The following CCDC6 variants were observed in gnomAD, a reference collection of about 807,000 sequenced individuals.
CCDC6 encodes coiled-coil domain containing 6, also known as coiled-coil domain-containing protein 6.
Under a neutral mutation model 56.6 loss-of-function variants are expected in CCDC6, and 20 were observed. The observed-to-expected ratio is 0.35, with a 90% CI of 0.25 to 0.51. CCDC6 has a LOEUF of 0.51. Among genes scored for constraint, CCDC6 ranks in the 20% least tolerant of loss-of-function variants. The pLI, the probability that CCDC6 is intolerant of heterozygous loss-of-function variation, is 0.95. For missense variants in CCDC6, 367 were observed against 601.1 expected, an observed-to-expected ratio of 0.61 and a Z score of 4.07; for synonymous variants, 241 against 234.4, an observed-to-expected ratio of 1.03 and a Z score of -0.26.
In CCDC6 at chr10:59,826,810, C is replaced by G. The variant is rs549932008; in HGVS notation, c.582+5715G>C. Reference sequence around the variant, plus strand: ...ATTTGAGGCTTAAATGATATACACACTTATTTTCCTGGAAAATGGGTAGGG... The same window carrying G: ...ATTTGAGGCTTAAATGATATACACAGTTATTTTCCTGGAAAATGGGTAGGG... On this transcript the variant is annotated intron_variant, in intron 3 of 8. Transcript: ENST00000263102. Among the ~76,000 whole-genome samples the G allele has an allele frequency of 2.0e-5, 3 of 152,298 alleles. No individual in the cohort carries two copies. The East Asian group carries it at 5.8e-4, about 29-fold the overall frequency.
intron 3 of CCDC6, among the ~76,000 whole-genome samples, chr10:59,828,569 G>A (rs1232974939): frequency 2.0e-5 from 3 of 152,072 alleles, no homozygotes; most frequent in African/African-American, 7.2e-5. Context: ...GTCTTTCCAG[G>A]GTCTAAAAGA....
At chr10:59,818,322 C>T (rs867367035) in intron 3 of CCDC6, among the ~76,000 whole-genome samples, 2 of 152,156 alleles carry the variant, frequency 1.3e-5, no homozygotes, top group African/African-American at 4.8e-5. Flanking sequence ...CAATCTACTG[C>T]CCACCTCAGC....
chr10:59,880,812 C>A (rs2071327591), intron 1 of CCDC6, among the ~76,000 whole-genome samples: 1 of 152,176 alleles, frequency 6.6e-6, no homozygotes, highest in Admixed American at 6.5e-5. Context: ...CTTATACTCA[C>A]AGGCTCCTTT....
chr10:59,789,795 G>A lies in CCDC6; in HGVS notation c.*3122C>T. ...GGGCATTCTCTAAAAGCAAGGCTTTGTGCAGGAAAAGTTCATGTCTACCTA... is the reference window on the plus strand; with the variant it reads ...GGGCATTCTCTAAAAGCAAGGCTTTATGCAGGAAAAGTTCATGTCTACCTA... On this transcript the variant is annotated 3_prime_UTR_variant, in exon 9 of 9. Coordinates refer to ENST00000263102, the MANE Select transcript of CCDC6 (RefSeq NM_005436.5). 4.5e-6 allele frequency: 1 copy of A among 220,430 alleles called. No individual in the cohort carries two copies. The highest frequency in any genetic ancestry group is 6.8e-5 in the East Asian group (1 of 14,804). The allele number at this position is 220,430 out of a possible 1,614,324, so 13.7% of individuals were successfully genotyped here. A position where few individuals can be genotyped will look rare whatever the true frequency, so the allele number is the denominator to read the frequency against.
Position 59,836,510 on chromosome 10 carries a change from T to C in CCDC6, c.454-3857A>G, listed in dbSNP as rs553800661. 5.9e-5 allele frequency among the ~76,000 whole-genome samples: 9 copies of C among 152,282 alleles called. No individual in the cohort carries two copies. In the South Asian group the frequency reaches 1.7e-3, roughly 28 times the overall value. ...ACATGAACAATTTTAAATCTTCCAA[T>C]AAAGTCAAAGATCCTGAACTAGAAC... On this transcript the variant is annotated intron_variant, in intron 2 of 8. Transcript: ENST00000263102.
chr10:59,806,635 A>G (rs1252434384), intron 6 of CCDC6: 2 of 332,530 alleles, frequency 6.0e-6, no homozygotes, highest in African/African-American at 4.1e-5. Context: ...AAACTAATTC[A>G]ACAACAAATG....
intron 1 of CCDC6, among the ~76,000 whole-genome samples, chr10:59,866,592 C>A (rs147053193): frequency 3.3e-5 from 5 of 152,290 alleles, no homozygotes; most frequent in Non-Finnish European, 7.3e-5. Context: ...GTATCACATC[C>A]ATACACTGAC....
chr10:59,904,092 AG>A (rs1381528438), intron 1 of CCDC6, among the ~76,000 whole-genome samples: 10 of 152,250 alleles, frequency 6.6e-5, no homozygotes, highest in Middle Eastern at 3.2e-3. Flanking sequence ...AAGAACTGAG[AG>A]GCTTCTGGTA....
chr10:59,797,310 T>C (rs946953749), intron 7 of CCDC6, among the ~76,000 whole-genome samples: 5 of 152,048 alleles, frequency 3.3e-5, no homozygotes, highest in African/African-American at 9.7e-5. Context: ...AACATTATAC[T>C]ACAGTTAACA....
chr10:59,803,214 G>T (rs2070591881), intron 7 of CCDC6, among the ~76,000 whole-genome samples: 1 of 152,008 alleles, frequency 6.6e-6, no homozygotes, highest in Admixed American at 6.6e-5. Flanking sequence ...TTCTGCTTTG[G>T]AATCAGCATC....
intron 1 of CCDC6, among the ~76,000 whole-genome samples, chr10:59,904,006 C>T (rs1045897589): frequency 6.6e-6 from 1 of 152,178 alleles, no homozygotes; most frequent in Non-Finnish European, 1.5e-5. Flanking sequence ...GTAACAACTG[C>T]CAAGTATTAG....
intron 1 of CCDC6, among the ~76,000 whole-genome samples, chr10:59,873,074 G>A (rs867825562): frequency 6.6e-6 from 1 of 152,134 alleles, no homozygotes; most frequent in Non-Finnish European, 1.5e-5. Flanking sequence ...TTTTGCTGAG[G>A]TGGTTTGATG....
At chr10:59,862,402 C>T (rs2071137131) in intron 1 of CCDC6, among the ~76,000 whole-genome samples, 2 of 150,988 alleles carry the variant, frequency 1.3e-5, no homozygotes, top group African/African-American at 4.9e-5. Context: ...GCATAAGAAT[C>T]GCTTGAACCC....
intron 3 of CCDC6, among the ~76,000 whole-genome samples, chr10:59,831,425 G>A (rs927940549): frequency 2.6e-5 from 4 of 152,288 alleles, no homozygotes; most frequent in African/African-American, 4.8e-5. Flanking sequence ...CTTGCAGCAC[G>A]ATCACTGTTT....
At chr10:59,838,319 C>A (rs1455937537) in intron 2 of CCDC6, among the ~76,000 whole-genome samples, 1 of 152,102 alleles carries the variant, frequency 6.6e-6, no homozygotes, top group Non-Finnish European at 1.5e-5. Context: ...TGGGCTACTG[C>A]CAAAACCTCC....
chr10:59,859,832 AGGCG>A (rs2071112260), intron 1 of CCDC6, among the ~76,000 whole-genome samples: 1 of 151,896 alleles, frequency 6.6e-6, no homozygotes, highest in South Asian at 2.1e-4. Context: ...TGGGAGGCTG[AGGCG>A]GGCATATCAT....
chr10:59,887,832 G>A (rs990474116), intron 1 of CCDC6, among the ~76,000 whole-genome samples: 3 of 151,918 alleles, frequency 2.0e-5, no homozygotes, highest in Admixed American at 6.6e-5. Flanking sequence ...CTCCTCCTCT[G>A]CCAAGGAGCT....
intron 1 of CCDC6, among the ~76,000 whole-genome samples, chr10:59,888,771 T>C (rs1196075583): frequency 6.6e-6 from 1 of 152,246 alleles, no homozygotes; most frequent in Admixed American, 6.5e-5. Context: ...TTTAAGACTA[T>C]GTGTCAATAA....
In CCDC6 at chr10:59,906,539, T is replaced by A. The variant is rs2071550268; in HGVS notation, c.-115A>T. 3.3e-6 allele frequency: 3 copies of A among 911,906 alleles called. No individual in the cohort carries two copies. The highest frequency in any genetic ancestry group is 4.6e-6 in the Non-Finnish European group (3 of 649,066). 56.5% of individuals were successfully genotyped at this position (911,906 alleles called of 1,614,324 possible). A position where few individuals can be genotyped will look rare whatever the true frequency, so the allele number is the denominator to read the frequency against. Reference sequence around the variant, plus strand: ...ACAGGGGAGCGCCGAGCTGAGCGCCTGGCACCAGGGCGCAGACTCGGAGCG... The same window carrying A: ...ACAGGGGAGCGCCGAGCTGAGCGCCAGGCACCAGGGCGCAGACTCGGAGCG... On this transcript the variant is annotated 5_prime_UTR_variant, in exon 1 of 9. Coordinates refer to ENST00000263102, the MANE Select transcript of CCDC6 (RefSeq NM_005436.5).
Sources: allele counts gnomAD v4.1 joint callset (sites outside exome capture counted in the v4.1 genomes callset), GRCh38; gene constraint gnomAD v4.1.1; transcripts MANE v1.5; gene names NCBI Gene and HGNC (gene_info 2026-07-23, HGNC 2026-07-21).